Variants in LRP1B observed in about 807,000 individuals in gnomAD.
LRP1B encodes low-density lipoprotein receptor-related protein 1B.
In LRP1B, 217 loss-of-function variants were observed where a neutral mutation model predicts 556.6. The ratio of observed to expected loss-of-function variants is 0.39; its 90% CI spans 0.35 to 0.44. LRP1B has a LOEUF of 0.44. LRP1B is among the 20% of genes least tolerant of loss of function. The probability of loss-of-function intolerance (pLI) is 1.00; values close to 1 mark genes in which losing one functional copy is unlikely to be tolerated. For synonymous variants in LRP1B, 2,047 were observed against 1,865.8 expected, an observed-to-expected ratio of 1.10 and a Z score of -2.50; for missense variants, 5,053 against 5,620.8, an observed-to-expected ratio of 0.90 and a Z score of 3.23.
intron 1 of LRP1B, among the ~76,000 whole-genome samples, chr2:142,074,222 G>A (rs530121533): frequency 2.6e-5 from 4 of 152,054 alleles, no homozygotes; most frequent in African/African-American, 9.6e-5. Flanking sequence ...AAGCCCTCAG[G>A]AAATTAATAC....
intron 1 of LRP1B, among the ~76,000 whole-genome samples, chr2:141,890,754 A>T (rs1437957102): frequency 6.6e-6 from 1 of 152,134 alleles, no homozygotes; most frequent in Non-Finnish European, 1.5e-5. Context: ...ATCTGATTCT[A>T]TCATATCCTT....
At chr2:141,203,375 A>G (rs1428004763) in intron 6 of LRP1B, among the ~76,000 whole-genome samples, 1 of 152,120 alleles carries the variant, frequency 6.6e-6, no homozygotes, top group African/African-American at 2.4e-5. Context: ...GGAAAAAAAA[A>G]AAGAGTTGCA....
intron 11 of LRP1B, among the ~76,000 whole-genome samples, chr2:141,024,018 C>T (rs1698144702): frequency 6.6e-6 from 1 of 152,014 alleles, no homozygotes; most frequent in Non-Finnish European, 1.5e-5. Context: ...ACCCTAGAGT[C>T]AGCACTTGGA....
At chr2:142,115,949 G>A (rs1168955640) in intron 1 of LRP1B, among the ~76,000 whole-genome samples, 1 of 139,572 alleles carries the variant, frequency 7.2e-6, no homozygotes, top group Non-Finnish European at 1.5e-5. Flanking sequence ...GGGCACAGTA[G>A]CTTATACCTG....
At chr2:141,959,854 G>A (rs1434815586) in intron 1 of LRP1B, among the ~76,000 whole-genome samples, 13 of 151,932 alleles carry the variant, frequency 8.6e-5, no homozygotes, top group African/African-American at 3.1e-4. Flanking sequence ...GGCCAGCACA[G>A]TACTGATGAG....
chr2:140,450,158 A>G (rs1686826185), intron 63 of LRP1B, among the ~76,000 whole-genome samples: 2 of 152,204 alleles, frequency 1.3e-5, no homozygotes, highest in African/African-American at 4.8e-5. Context: ...AGTAAATTTA[A>G]GAAATTATAT....
At chr2:141,084,192 G>A (rs1468249925) in intron 7 of LRP1B, among the ~76,000 whole-genome samples, 3 of 152,274 alleles carry the variant, frequency 2.0e-5, no homozygotes, top group African/African-American at 7.2e-5. Flanking sequence ...AAATAGATCT[G>A]TTCATGGATA....
At chr2:141,634,227 C>CATAGAA (rs1406303091) in intron 2 of LRP1B, among the ~76,000 whole-genome samples, 18 of 151,850 alleles carry the variant, frequency 1.2e-4, no homozygotes, top group Admixed American at 3.9e-4. Context: ...GTTCTCTTTC[C>CATAGAA]ATAGAAATAA....
intron 1 of LRP1B, among the ~76,000 whole-genome samples, chr2:142,023,155 C>T (rs1703395889): frequency 6.6e-6 from 1 of 152,152 alleles, no homozygotes; most frequent in Admixed American, 6.5e-5. Context: ...ACCCCCAGTG[C>T]CAGCTTTGAA....
intron 1 of LRP1B, among the ~76,000 whole-genome samples, chr2:141,888,799 T>A (rs934152860): frequency 2.0e-5 from 3 of 151,844 alleles, no homozygotes; most frequent in African/African-American, 7.3e-5. Flanking sequence ...AGGACAGGAG[T>A]GAAAAATGAG....
chr2:140,364,959 A>T (rs1682689450), intron 71 of LRP1B, among the ~76,000 whole-genome samples, 176 bp from the exon 72 acceptor site: 1 of 151,444 alleles, frequency 6.6e-6, no homozygotes, highest in Non-Finnish European at 1.5e-5. Flanking sequence ...TTTTAATAAC[A>T]TGTATTCATT....
At chr2:140,671,912 A>G (rs1358932180) in intron 41 of LRP1B, among the ~76,000 whole-genome samples, 1 of 152,198 alleles carries the variant, frequency 6.6e-6, no homozygotes, top group African/African-American at 2.4e-5. Flanking sequence ...CAAAGTAAGT[A>G]TATTCCATAC....
At chr2:141,025,822 G>C (rs907899071) in intron 11 of LRP1B, among the ~76,000 whole-genome samples, 24 of 152,164 alleles carry the variant, frequency 1.6e-4, no homozygotes, top group African/African-American at 5.8e-4. Context: ...ATCTGAAAAT[G>C]ATTTTGCTGA....
At chr2:142,102,862 T>C (rs896980043) in intron 1 of LRP1B, among the ~76,000 whole-genome samples, 6 of 151,946 alleles carry the variant, frequency 3.9e-5, no homozygotes, top group Non-Finnish European at 8.8e-5. Context: ...TTTTAAAATA[T>C]AATTAATGTG....
intron 5 of LRP1B, among the ~76,000 whole-genome samples, chr2:141,242,678 G>A (rs555439743): frequency 3.2e-4 from 48 of 152,140 alleles, no homozygotes; most frequent in African/African-American, 1.2e-3. Flanking sequence ...GGCACCATTC[G>A]ATGCACTGAC....
intron 31 of LRP1B, among the ~76,000 whole-genome samples, chr2:140,834,403 C>A (rs1178515025): frequency 1.3e-5 from 2 of 152,108 alleles, no homozygotes; most frequent in African/African-American, 4.8e-5. Context: ...TCATTCCCAG[C>A]TAATTTTTGT....
chr2:141,736,717 C>T (rs1276854773), intron 2 of LRP1B, among the ~76,000 whole-genome samples: 3 of 152,166 alleles, frequency 2.0e-5, no homozygotes, highest in South Asian at 2.1e-4. Flanking sequence ...AGCAGATGAT[C>T]ATCTTTGAAC....
chr2:140,834,903 T>C (rs983080016), intron 31 of LRP1B, among the ~76,000 whole-genome samples: 11 of 152,216 alleles, frequency 7.2e-5, no homozygotes, highest in African/African-American at 9.6e-5. Context: ...AATTGGTGTG[T>C]AAATTTCCAG....
rs993929064 is a variant in LRP1B at position 141,987,898 on chromosome 2, G to A, written c.82+142750C>T. On this transcript the variant is annotated intron_variant, in intron 1 of 90. Transcript: ENST00000389484. ...TAGTAAACAGAAAAACAATTTGTCT[G>A]TAAAGCAATGATTTCATAGTCAAAT... Among the ~76,000 whole-genome samples, 11 of 37,218 alleles carry A rather than the reference G, an allele frequency of 3.0e-4. No individual in the cohort carries two copies. In the Admixed American group the frequency reaches 3.6e-3, roughly 12 times the overall value. The allele number at this position is 37,218 out of a possible 152,430, so 24.4% of individuals were successfully genotyped here. A position where few individuals can be genotyped will look rare whatever the true frequency, so the allele number is the denominator to read the frequency against.
Sources: allele counts gnomAD v4.1 joint callset (sites outside exome capture counted in the v4.1 genomes callset), GRCh38; gene constraint gnomAD v4.1.1; transcripts MANE v1.5; gene names NCBI Gene and HGNC (gene_info 2026-07-23, HGNC 2026-07-21).